The following BBS1 variants were observed in gnomAD, a reference collection of about 807,000 sequenced individuals.
The protein encoded by BBS1 is BBSome complex member BBS1.
A neutral mutation model predicts 73.9 loss-of-function variants in BBS1; 60 were observed. That is an observed-to-expected ratio of 0.81 (90% CI 0.66 to 1.01). The LOEUF is 1.01. BBS1 is among the 50% of genes least tolerant of loss of function. BBS1 has a pLI of 0.00. For synonymous variants in BBS1, 283 were observed against 317.4 expected, an observed-to-expected ratio of 0.89 and a Z score of 1.15; for missense variants, 718 against 770.3, an observed-to-expected ratio of 0.93 and a Z score of 0.80.
At chr11:66,510,930 G>A in intron 1 of BBS1, 83 bp from the exon 2 acceptor site, 3 of 1,498,454 alleles carry the variant, frequency 2.0e-6, no homozygotes, top group Non-Finnish European at 2.8e-6. Flanking sequence ...CTTATGTTCA[G>A]AGTGACCTGT....
intron 4 of BBS1, among the ~76,000 whole-genome samples, chr11:66,515,010 G>T (rs968932363): frequency 1.3e-5 from 2 of 152,152 alleles, no homozygotes; most frequent in Admixed American, 1.3e-4. Context: ...TAGAGACAAG[G>T]TTTTACTATG....
At position 66,514,427 on chromosome 11, in the gene BBS1, C is replaced by T. The variant is rs999363451; in HGVS notation, c.181C>T (p.Pro61Ser). The T allele has an allele frequency of 1.2e-6, 2 of 1,613,988 alleles. No individual in the cohort carries two copies. Among genetic ancestry groups the T allele is most frequent in the Non-Finnish European group, 1.7e-6 (2 of 1,180,040 alleles). ...EYKLVVGDLG[P>S]GGQQPRLKVL... Reference sequence around the variant, plus strand: ...GCAGCTGGTGGTAGGGGACCTTGGCCCTGGTGGGCAGCAGCCCCGCCTGAA... The same window carrying T: ...GCAGCTGGTGGTAGGGGACCTTGGCTCTGGTGGGCAGCAGCCCCGCCTGAA... Residue 61 changes from proline (P) to serine (S), a missense_variant, in exon 4 of 17, where the codon CCT becomes TCT. Pro to Ser is a moderately conservative substitution (Grantham distance 74). Transcript: ENST00000318312.
Position 66,518,379 on chromosome 11 carries a change from T to C in BBS1, c.592-1238T>C, listed in dbSNP as rs148524218. On this transcript the variant is annotated intron_variant, in intron 7 of 16. Coordinates refer to ENST00000318312, the MANE Select transcript of BBS1 (RefSeq NM_024649.5). Reference sequence around the variant, plus strand: ...TCCAAGCAATTCTCCTGCCTCAGCCTCACAAGTAGCTGGGATTACAGGCAC... The same window carrying C: ...TCCAAGCAATTCTCCTGCCTCAGCCCCACAAGTAGCTGGGATTACAGGCAC... Among the ~76,000 whole-genome samples, 789 of 151,860 alleles carry C rather than the reference T, an allele frequency of 5.2e-3. 5 individuals are homozygous for C. Among genetic ancestry groups the C allele is most frequent in the African/African-American group, 0.018 (749 of 41,418 alleles).
At chr11:66,530,018 T>C in intron 14 of BBS1, 66 bp downstream of exon 14, 1 of 1,547,556 alleles carries the variant, frequency 6.5e-7, no homozygotes, top group Middle Eastern at 1.7e-4. Flanking sequence ...CAGGAACCCC[T>C]CTGCCACACA....
Position 66,510,667 on chromosome 11 carries a change from C to T in BBS1, c.8C>T (p.Ala3Val), listed in dbSNP as rs1444373737. 3.1e-6 allele frequency: 5 copies of T among 1,614,188 alleles called. No homozygotes were observed. Among genetic ancestry groups the T allele is most frequent in the African/African-American group, 1.3e-5 (1 of 75,066 alleles). MAAASSSDSDACG... is the reference protein window; with the variant it reads MAVASSSDSDACG... ...AGGACGACGCCTGCGAAGATGGCCG[C>T]TGCGTCCTCATCGGATTCCGACGCC... The change falls in exon 1 of 17, where the codon GCT (alanine) becomes GTT (valine). Residue 3 changes from alanine (A) to valine (V), a missense_variant. Transcript: ENST00000318312.
chr11:66,530,023 CA>C, intron 14 of BBS1, 71 bp downstream of exon 14: 3 of 1,542,376 alleles, frequency 1.9e-6, no homozygotes, highest in Non-Finnish European at 2.6e-6. Flanking sequence ...ACCCCTCTGC[CA>C]CACAGCTAAG....
At chr11:66,528,411 G>T (rs1362861839) in intron 13 of BBS1, among the ~76,000 whole-genome samples, 3 of 152,164 alleles carry the variant, frequency 2.0e-5, no homozygotes, top group Non-Finnish European at 2.9e-5. Context: ...TTGATTCAAA[G>T]AGTAAACCTA....
At position 66,515,677 on chromosome 11, in the gene BBS1, G is replaced by T. The variant is rs779108638; in HGVS notation, c.480-16G>T. On this transcript the variant is annotated splice_polypyrimidine_tract_variant and intron_variant, in intron 5 of 16. Transcript: ENST00000318312. The stretch of plus-strand genomic sequence containing the variant: ...ATTCTTCCATTCGGCTGCCATGCTG[G>T]CCCCTTTCCTTGCAGGGAGACGGCA... The T allele has an allele frequency of 6.2e-7, 1 of 1,614,132 alleles. No individual in the cohort carries two copies. The highest frequency in any genetic ancestry group is 8.5e-7 in the Non-Finnish European group (1 of 1,180,022).
At chr11:66,525,277 T>C (rs1290138013) in intron 11 of BBS1, among the ~76,000 whole-genome samples, 1 of 151,454 alleles carries the variant, frequency 6.6e-6, no homozygotes, top group African/African-American at 2.4e-5. Flanking sequence ...AAGAATCACT[T>C]GAACCTGGGA....
rs369653969 is a variant in BBS1, at chr11:66,530,954, C to A, written c.1534C>A (p.Arg512Ser). Residue 512 changes from arginine (R) to serine (S), a missense_variant, in exon 15 of 17, where the codon CGT becomes AGT. By Grantham distance (110) the Arg-to-Ser change is moderately radical. Coordinates refer to ENST00000318312, the MANE Select transcript of BBS1 (RefSeq NM_024649.5). ...TCACCTGCAGAACACCTCAACAACCCGTCCTGTCCTGGGGCTGCTGGTCTG... is the reference window on the plus strand; with the variant it reads ...TCACCTGCAGAACACCTCAACAACCAGTCCTGTCCTGGGGCTGCTGGTCTG... ...TLHLQNTSTT[R>S]PVLGLLVCFL... 6.8e-5 allele frequency: 110 copies of A among 1,614,118 alleles called. No homozygotes were observed. The highest frequency in any genetic ancestry group is 8.8e-5 in the Non-Finnish European group (104 of 1,180,046).
intron 15 of BBS1, among the ~76,000 whole-genome samples, chr11:66,531,269 G>C (rs1856769547): frequency 1.3e-5 from 2 of 152,220 alleles, no homozygotes; most frequent in Admixed American, 1.3e-4. Flanking sequence ...GAGCCATACA[G>C]AAGGTGCTGG....
chr11:66,527,277 C>G (rs1441697593), intron 13 of BBS1, among the ~76,000 whole-genome samples: 1 of 151,062 alleles, frequency 6.6e-6, no homozygotes, highest in Non-Finnish European at 1.5e-5. Context: ...TCCAGTTTTT[C>G]CTGCCCGTTT....
chr11:66,522,712 TATTA>T, intron 9 of BBS1: 9 of 196,334 alleles, frequency 4.6e-5, no homozygotes, highest in East Asian at 2.8e-4. Flanking sequence ...CAGTGTGTGG[TATTA>T]GGGATATATT....
chr11:66,523,395 G>C lies in BBS1; in HGVS notation c.831-61G>C, dbSNP rs1856331198. 2.5e-6 allele frequency: 4 copies of C among 1,613,326 alleles called. No individual in the cohort carries two copies. In the African/African-American group the frequency reaches 5.3e-5, roughly 22 times the overall value. On this transcript the variant is annotated intron_variant, in intron 9 of 16. Transcript: ENST00000318312. ...GTCCATGAGGTTTAGACAGAGGAGG[G>C]TCAGCCATAGAAGTGGAGAGGATTT...
At chr11:66,527,311 G>T (rs545594348) in intron 13 of BBS1, among the ~76,000 whole-genome samples, 2 of 151,686 alleles carry the variant, frequency 1.3e-5, no homozygotes, top group African/African-American at 4.8e-5. Context: ...TTCATCGTTC[G>T]TTCATTCATT....
chr11:66,529,431 C>T (rs771910119), intron 13 of BBS1: 20 of 917,612 alleles, frequency 2.2e-5, no homozygotes, highest in South Asian at 1.5e-4. Context: ...CAATATCGAG[C>T]GTGGACACCA....
chr11:66,523,221 T>C (rs1856318769), intron 9 of BBS1: 4 of 643,204 alleles, frequency 6.2e-6, no homozygotes, highest in Non-Finnish European at 1.1e-5. Context: ...CAAGACACCA[T>C]AGTGAAGGTG....
chr11:66,517,511 A>G (rs1450857822), intron 7 of BBS1, among the ~76,000 whole-genome samples: 1 of 143,854 alleles, frequency 7.0e-6, no homozygotes, highest in Non-Finnish European at 1.5e-5. Context: ...CTCTGTCGCC[A>G]GGCTGGAGTG....
intron 15 of BBS1, 113 bp downstream of exon 15, chr11:66,531,141 G>A: frequency 7.0e-6 from 10 of 1,437,664 alleles, no homozygotes; most frequent in Non-Finnish European, 8.6e-6. Flanking sequence ...TGGCTGCCAG[G>A]TGGCCAGCAG....
Sources: gnomAD v4.1 joint callset for allele counts (sites outside exome capture counted in the v4.1 genomes callset) on GRCh38, gnomAD v4.1.1 for gene constraint, MANE v1.5 for transcripts, NCBI Gene and HGNC (gene_info 2026-07-23, HGNC 2026-07-21) for gene names.